The following RP1 variants were observed in gnomAD, a reference collection of about 807,000 sequenced individuals.
The protein encoded by RP1 is RP1 axonemal microtubule associated, also known as oxygen-regulated protein 1.
Under a neutral mutation model 14.8 loss-of-function variants are expected in RP1, and 16 were observed. The ratio of observed to expected loss-of-function variants is 1.08; its 90% CI spans 0.73 to 1.65. The LOEUF is 1.65. Among genes scored for constraint, RP1 ranks in the 40% most tolerant of loss-of-function variants. The pLI is 0.00. For synonymous variants in RP1, 876 were observed against 883.6 expected, an observed-to-expected ratio of 0.99 and a Z score of 0.15; for missense variants, 2,631 against 2,535.0, an observed-to-expected ratio of 1.04 and a Z score of -0.81.
At position 54,652,732 on chromosome 8, in the gene RP1, T is replaced by A. The variant is rs570911928; in HGVS notation, c.952-48T>A. ...TGTCCTAATCTGAGCTGTTTTTAAGTGAATTTTGTGAAATTACATTGAAAG... is the reference window on the plus strand; with the variant it reads ...TGTCCTAATCTGAGCTGTTTTTAAGAGAATTTTGTGAAATTACATTGAAAG... On this transcript the variant is annotated intron_variant, in intron 4 of 22. Coordinates refer to the RP1 transcript ENST00000636932. 11 of 1,333,750 alleles carry A rather than the reference T, an allele frequency of 8.2e-6. No homozygotes were observed. In the East Asian group the frequency reaches 2.8e-4, roughly 33 times the overall value. The allele number at this position is 1,333,750 out of a possible 1,614,324, so 82.6% of individuals were successfully genotyped here.
At chr8:54,754,495 C>T (rs998754399) in intron 19 of RP1, among the ~76,000 whole-genome samples, 2 of 152,154 alleles carry the variant, frequency 1.3e-5, no homozygotes, top group Non-Finnish European at 2.9e-5. Flanking sequence ...AAATAAAGCA[C>T]TCAGCATAAT....
At chr8:54,679,506 A>T (rs1366945288) in intron 10 of RP1, 7 of 1,535,846 alleles carry the variant, frequency 4.6e-6, no homozygotes, top group Non-Finnish European at 6.1e-6. Flanking sequence ...AGTAGGTATC[A>T]TGTATACACA....
At chr8:54,689,920 T>A (rs994024631) in intron 12 of RP1, among the ~76,000 whole-genome samples, 4 of 152,072 alleles carry the variant, frequency 2.6e-5, no homozygotes, top group African/African-American at 9.7e-5. Flanking sequence ...AAGTGACAAT[T>A]TAAAGAGAAT....
intron 1 of RP1, chr8:54,560,984 C>T (rs1432895703): frequency 6.6e-6 from 1 of 151,380 alleles, no homozygotes; most frequent in Non-Finnish European, 1.5e-5. Flanking sequence ...ACTTTGCAGG[C>T]TCAGGGGGTG....
intron 28 of RP1, among the ~76,000 whole-genome samples, chr8:54,868,892 GA>G: frequency 6.6e-6 from 1 of 152,266 alleles, no homozygotes; most frequent in Admixed American, 6.5e-5. Flanking sequence ...AAATAACCAA[GA>G]TATAGAGGGG....
intron 1 of RP1, among the ~76,000 whole-genome samples, chr8:54,587,580 C>T (rs924997061): frequency 1.8e-4 from 27 of 152,290 alleles, no homozygotes; most frequent in African/African-American, 6.0e-4. Flanking sequence ...CCAAGGCAAG[C>T]ATTGGAACCT....
At chr8:54,736,643 TGAA>T (rs1808931060) in intron 18 of RP1, among the ~76,000 whole-genome samples, 1 of 152,170 alleles carries the variant, frequency 6.6e-6, no homozygotes, top group African/African-American at 2.4e-5. Flanking sequence ...TCATTTACTG[TGAA>T]GTGTGAATAG....
intron 24 of RP1, among the ~76,000 whole-genome samples, chr8:54,806,320 T>C (rs1033588130): frequency 7.7e-5 from 11 of 142,808 alleles, no homozygotes; most frequent in African/African-American, 2.5e-4. Context: ...TCTGGCCGGG[T>C]TTTTTTTTAA....
At position 54,759,172 on chromosome 8, in the gene RP1, GTGTA is replaced by G. The variant is rs1809580136; in HGVS notation, c.3248+98_3248+101del. On this transcript the variant is annotated intron_variant, in intron 22 of 22. Transcript: ENST00000636932. ...TGTGTGTGTGTGTGTGTGTGTGTGTGTGTATCTTTTAGGTCACGGATTTGTTTCA... is the reference window on the plus strand; with the variant it reads ...TGTGTGTGTGTGTGTGTGTGTGTGTGTCTTTTAGGTCACGGATTTGTTTCA... 5 of 1,073,830 alleles carry G rather than the reference GTGTA, an allele frequency of 4.7e-6. No homozygotes were observed. The South Asian group carries it at 6.7e-5, about 14-fold the overall frequency. The allele number at this position is 1,073,830 out of a possible 1,614,324, so 66.5% of individuals were successfully genotyped here.
At chr8:54,743,233 A>G (rs1257810074) in intron 19 of RP1, among the ~76,000 whole-genome samples, 1 of 152,186 alleles carries the variant, frequency 6.6e-6, no homozygotes, top group Non-Finnish European at 1.5e-5. Context: ...GTTAAAATAT[A>G]TATATATGTT....
chr8:54,601,443 G>T (rs1805284280), intron 1 of RP1, among the ~76,000 whole-genome samples: 1 of 135,830 alleles, frequency 7.4e-6, no homozygotes, highest in South Asian at 2.8e-4. Flanking sequence ...GAGGGGGGAG[G>T]GATAGCATTG....
intron 6 of RP1, among the ~76,000 whole-genome samples, chr8:54,661,808 G>C (rs1234402603): frequency 6.6e-6 from 1 of 151,978 alleles, no homozygotes. Flanking sequence ...GTATTTTTCT[G>C]TGTTGTTAGA....
chr8:54,764,593 C>G (rs1283586388), intron 22 of RP1, among the ~76,000 whole-genome samples: 1 of 152,208 alleles, frequency 6.6e-6, no homozygotes, highest in Non-Finnish European at 1.5e-5. Context: ...TAGTTCAGTA[C>G]ACTTTTCCCC....
Position 54,606,157 on chromosome 8 carries a change from G to T in RP1, c.-12-14798G>T, listed in dbSNP as rs1336374815. Among the ~76,000 whole-genome samples, 4 of 152,106 alleles carry T rather than the reference G, an allele frequency of 2.6e-5. No individual in the cohort carries two copies. The East Asian group carries it at 7.7e-4, about 29-fold the overall frequency. ...TAACTTTGATGGTCCTTACAATTTG[G>T]CATGTTTTTGCAGTGGCTGGTACCG... On this transcript the variant is annotated intron_variant, in intron 1 of 22. Coordinates refer to the RP1 transcript ENST00000636932.
chr8:54,573,105 C>T (rs1037819481), intron 1 of RP1, among the ~76,000 whole-genome samples: 12 of 152,158 alleles, frequency 7.9e-5, no homozygotes, highest in Admixed American at 7.9e-4. Flanking sequence ...ATCATAATCC[C>T]TTTTTTTGGC....
At position 54,626,926 on chromosome 8, in the gene RP1, CT is replaced by C; in HGVS notation, c.3046del (p.Tyr1016IlefsTer25). ...HETQVGSLND[A>X]YLVPLHEHCT... ...ACACAGGTTGGATCTCTGAATGATG[CT>C]TATTTGGTTCCCCTGCATGAACACT... On this transcript the variant is annotated frameshift_variant, in exon 4 of 4. Transcript: ENST00000220676. LOFTEE classifies it low-confidence loss of function (END_TRUNC). 8.1e-6 allele frequency: 13 copies of C among 1,613,808 alleles called. No homozygotes were observed. The highest frequency in any genetic ancestry group is 1.1e-5 in the Non-Finnish European group (13 of 1,179,964).
chr8:54,742,249 C>G (rs1287229745), intron 19 of RP1, among the ~76,000 whole-genome samples: 41 of 152,086 alleles, frequency 2.7e-4, no homozygotes. Context: ...GTCACTGGTT[C>G]CTTTACAGTA....
rs554388004 is a variant in RP1, at chr8:54,598,320, T to C, written c.-12-22635T>C. Among the ~76,000 whole-genome samples, 251 of 152,306 alleles carry C rather than the reference T, an allele frequency of 1.6e-3. 2 individuals are homozygous for C. Among genetic ancestry groups the C allele is most frequent in the African/African-American group, 5.4e-3 (224 of 41,588 alleles). On this transcript the variant is annotated intron_variant, in intron 1 of 22. Coordinates refer to the RP1 transcript ENST00000636932. Reference sequence around the variant, plus strand: ...CTTTGTATATATTTTTAGTAACTACTCTAAGTATTAAATTGTACATACATA... The same window carrying C: ...CTTTGTATATATTTTTAGTAACTACCCTAAGTATTAAATTGTACATACATA...
chr8:54,651,829 A>G (rs1253261367), intron 4 of RP1, among the ~76,000 whole-genome samples: 3 of 151,850 alleles, frequency 2.0e-5, no homozygotes, highest in African/African-American at 7.3e-5. Flanking sequence ...TAGGTTATTT[A>G]TTTGAGATTT....
Sources: allele counts gnomAD v4.1 joint callset (sites outside exome capture counted in the v4.1 genomes callset), GRCh38; gene constraint gnomAD v4.1.1; transcripts MANE v1.5; gene names NCBI Gene and HGNC (gene_info 2026-07-23, HGNC 2026-07-21).